RIPOR1: variants seen among roughly 807,000 people sequenced by gnomAD.
The protein encoded by RIPOR1 is RHO family interacting cell polarization regulator 1.
In RIPOR1, 58 loss-of-function variants were observed where a neutral mutation model predicts 116.5. The observed-to-expected ratio is 0.50, with a 90% confidence interval of 0.40 to 0.62. The LOEUF is 0.62. Among genes scored for constraint, RIPOR1 ranks in the 20% least tolerant of loss-of-function variants. The pLI, the probability that RIPOR1 is intolerant of heterozygous loss-of-function variation, is 0.00. For missense variants in RIPOR1, 1,372 were observed against 1,586.2 expected (o/e 0.86, Z 2.29); for synonymous variants, 605 against 650.0 (o/e 0.93, Z 1.05).
Position 67,538,565 on chromosome 16 carries a change from A to C in RIPOR1, c.104+15A>C. 6.2e-7 allele frequency: 1 copy of C among 1,611,552 alleles called. No individual in the cohort carries two copies. The highest frequency in any genetic ancestry group is 8.5e-7 in the Non-Finnish European group (1 of 1,178,912). On this transcript the variant is annotated intron_variant, in intron 2 of 21. Coordinates refer to ENST00000042381, the MANE Select transcript of RIPOR1 (RefSeq NM_024519.4). ...CGGGGGCCCAGGTACGCGGCCGCGC[A>C]GGGTTGGTGGGGTCAAAGGGCGTCA...
chr16:67,527,592 A>G (rs898117845), upstream of RIPOR1, among the ~76,000 whole-genome samples: 1 of 151,380 alleles, frequency 6.6e-6, no homozygotes, highest in Non-Finnish European at 1.5e-5. Flanking sequence ...AACCGACCAA[A>G]CAGGCTGGGC....
Position 67,541,585 on chromosome 16 carries a change from G to C in RIPOR1, c.950+7G>C. ...GCCTGGAAGTCACATGGAGGTTGGT[G>C]GGGCTGAGAGGCTTGGAGGAGGGCC... On this transcript the variant is annotated splice_region_variant and intron_variant, in intron 11 of 21. Coordinates refer to ENST00000042381, the MANE Select transcript of RIPOR1 (RefSeq NM_024519.4). The surrounding 1 kb of genome is among the most constrained non-coding windows in gnomAD (Gnocchi z 4.6). 1.9e-6 allele frequency: 3 copies of C among 1,614,004 alleles called. No individual in the cohort carries two copies. Among genetic ancestry groups the C allele is most frequent in the Non-Finnish European group, 8.5e-7 (1 of 1,179,936 alleles).
intron 1 of RIPOR1, among the ~76,000 whole-genome samples, chr16:67,534,579 C>T (rs1433308520): frequency 6.6e-6 from 1 of 152,174 alleles, no homozygotes; most frequent in Non-Finnish European, 1.5e-5. Context: ...ACATTACCAG[C>T]ACCCTGGAAG....
chr16:67,522,108 A>AC (rs1426545431), intron 1 of RIPOR1, among the ~76,000 whole-genome samples: 1 of 150,896 alleles, frequency 6.6e-6, no homozygotes, highest in Non-Finnish European at 1.5e-5. Context: ...GCTCACTGCA[A>AC]CCTCTGCCTC....
rs1175002443 is a variant in RIPOR1, at chr16:67,544,363, A to G, written c.2665A>G (p.Ser889Gly). 1.2e-6 allele frequency: 2 copies of G among 1,613,246 alleles called. No individual in the cohort carries two copies. Among genetic ancestry groups the G allele is most frequent in the Non-Finnish European group, 1.7e-6 (2 of 1,179,796 alleles). ...AGACTCACCCAGTGCCCGCCCCCTC[A>G]GCACGGGGTGTCCAGCTCTGGATGC... Reference protein sequence around the residue: ...SIDSPSARPLSTGCPALDAAL... With the variant: ...SIDSPSARPLGTGCPALDAAL... Residue 889 changes from serine (S) to glycine (G), a missense_variant, in exon 15 of 22, where the codon AGC (serine) becomes GGC (glycine). Physicochemically the swap from Ser to Gly is moderately conservative, Grantham distance 56. Transcript: ENST00000042381. The surrounding 1 kb of genome is among the most constrained non-coding windows in gnomAD (Gnocchi z 5.1).
At chr16:67,538,927 T>A (rs954804897) in intron 3 of RIPOR1, 63 bp from the exon 4 acceptor site, 2 of 1,609,516 alleles carry the variant, frequency 1.2e-6, no homozygotes, top group Non-Finnish European at 1.7e-6. Flanking sequence ...CCCTGCTGTC[T>A]GCACCCTGGG....
Position 67,529,725 on chromosome 16 carries a change from G to C in RIPOR1, c.-24+811G>C. ...CTGGCCGCCCCAGCACCTACTGTGC[G>C]CAGCCTCGTGTAACAATACTTGTGC... On this transcript the variant is annotated intron_variant, in intron 1 of 21. Coordinates refer to ENST00000042381, the MANE Select transcript of RIPOR1 (RefSeq NM_024519.4). This position sits in a 1 kb window ranked among gnomAD's most constrained non-coding sequence, Gnocchi z 4.1. 1 of 1,528,620 alleles carries C rather than the reference G, an allele frequency of 6.5e-7. No homozygotes were observed. Among genetic ancestry groups the C allele is most frequent in the Non-Finnish European group, 8.7e-7 (1 of 1,143,446 alleles). The allele number at this position is 1,528,620 out of a possible 1,614,324, so 94.7% of individuals were successfully genotyped here.
chr16:67,546,222 C>T lies in RIPOR1; in HGVS notation c.3553C>T (p.Gln1185Ter). The change falls in exon 21 of 22, where the codon CAG becomes TAG. Residue 1185 changes from glutamine (Q) to a stop codon, truncating the protein, a stop_gained. Coordinates refer to ENST00000042381, the MANE Select transcript of RIPOR1 (RefSeq NM_024519.4). LOFTEE classifies it high-confidence loss of function. ...AVREAARQSL[Q>*]QCGEEGQSAH... is the part of the protein sequence containing the mutation. ...GAGGGAAGCTGCCCGGCAAAGCCTACAGCAGTGTGGTGAGGCTGGGGGATG... is the reference window on the plus strand; with the variant it reads ...GAGGGAAGCTGCCCGGCAAAGCCTATAGCAGTGTGGTGAGGCTGGGGGATG... 2 of 1,614,054 alleles carry T rather than the reference C, an allele frequency of 1.2e-6. No homozygotes were observed. Among genetic ancestry groups the T allele is most frequent in the South Asian group, 2.2e-5 (2 of 91,090 alleles).
Position 67,538,699 on chromosome 16 carries a change from G to C in RIPOR1, c.132G>C (p.Gly44=), listed in dbSNP as rs768910968. ...PRSFPVFSPP[G]PPRKPPALSR... is the part of the protein sequence containing the mutation. ...GTTTCCCGGTCTTCAGCCCGCCGGGGCCCCCACGGAAGCCCCCCGCGCTCT... is the reference window on the plus strand; with the variant it reads ...GTTTCCCGGTCTTCAGCCCGCCGGGCCCCCCACGGAAGCCCCCCGCGCTCT... Residue 44 remains glycine (G), a synonymous_variant, in exon 3 of 22, where the codon GGG becomes GGC. Transcript: ENST00000042381. 6.2e-7 allele frequency: 1 copy of C among 1,613,050 alleles called. No homozygotes were observed. The highest frequency in any genetic ancestry group is 1.7e-5 in the Admixed American group (1 of 59,980).
At position 67,529,807 on chromosome 16, in the gene RIPOR1, G is replaced by T; in HGVS notation, c.-24+893G>T. On this transcript the variant is annotated intron_variant, in intron 1 of 21. Coordinates refer to ENST00000042381, the MANE Select transcript of RIPOR1 (RefSeq NM_024519.4). This position sits in a 1 kb window ranked among gnomAD's most constrained non-coding sequence, Gnocchi z 4.1. ...GCCTGCCGCATTCGGCCAACGCACAGCATCTGAGGAGGGTTATGACCATCT... is the reference window on the plus strand; with the variant it reads ...GCCTGCCGCATTCGGCCAACGCACATCATCTGAGGAGGGTTATGACCATCT... 6.5e-7 allele frequency: 1 copy of T among 1,535,994 alleles called. No individual in the cohort carries two copies. Among genetic ancestry groups the T allele is most frequent in the Non-Finnish European group, 8.7e-7 (1 of 1,146,894 alleles).
In RIPOR1 at chr16:67,529,714, A is replaced by C. The variant is rs910993905; in HGVS notation, c.-24+800A>C. On this transcript the variant is annotated intron_variant, in intron 1 of 21. Transcript: ENST00000042381. This position sits in a 1 kb window ranked among gnomAD's most constrained non-coding sequence, Gnocchi z 4.1. ...GTGTGTCCAGGCTGGCCGCCCCAGC[A>C]CCTACTGTGCGCAGCCTCGTGTAAC... 1.3e-6 allele frequency: 2 copies of C among 1,520,228 alleles called. No homozygotes were observed. Among genetic ancestry groups the C allele is most frequent in the Non-Finnish European group, 1.8e-6 (2 of 1,138,064 alleles). 94.2% of individuals were successfully genotyped at this position (1,520,228 alleles called of 1,614,324 possible).
chr16:67,537,210 G>C lies in RIPOR1; in HGVS notation c.-23-1214G>C, dbSNP rs1250172619. ...TTACAGGCGTGAGCCACTGTGCCCG[G>C]CCTCAATAGCGACTCTTTAAGCCCC... On this transcript the variant is annotated intron_variant, in intron 1 of 21. Coordinates refer to ENST00000042381, the MANE Select transcript of RIPOR1 (RefSeq NM_024519.4). This position sits in a 1 kb window ranked among gnomAD's most constrained non-coding sequence, Gnocchi z 4.6. 6.6e-6 allele frequency among the ~76,000 whole-genome samples: 1 copy of C among 152,182 alleles called. No individual in the cohort carries two copies. The highest frequency in any genetic ancestry group is 1.5e-5 in the Non-Finnish European group (1 of 68,026).
chr16:67,544,130 G>A lies in RIPOR1; in HGVS notation c.2601-169G>A, dbSNP rs1294157717. ...CAGAGATCCCTACTACCACCTGCTG[G>A]TCCCAGCCCCTTCCTCCTTCTGGAA... On this transcript the variant is annotated intron_variant, in intron 14 of 21. Coordinates refer to ENST00000042381, the MANE Select transcript of RIPOR1 (RefSeq NM_024519.4). This position sits in a 1 kb window ranked among gnomAD's most constrained non-coding sequence, Gnocchi z 5.1. Among the ~76,000 whole-genome samples the A allele has an allele frequency of 1.2e-4, 19 of 152,114 alleles. No homozygotes were observed. Among genetic ancestry groups the A allele is most frequent in the Admixed American group, 1.2e-3 (19 of 15,278 alleles).
In RIPOR1 at chr16:67,545,022, G is replaced by C; in HGVS notation, c.2936G>C (p.Ser979Thr). ...TFWDQCTERL[S>T]CFLCPVERVL... Reference sequence around the variant, plus strand: ...TGGGACCAGTGCACAGAGAGACTCAGCTGCTTCCTCTGCCCGGTGGAGCGG... The same window carrying C: ...TGGGACCAGTGCACAGAGAGACTCACCTGCTTCCTCTGCCCGGTGGAGCGG... The change falls in exon 17 of 22, where the codon AGC becomes ACC. Residue 979 changes from serine to threonine, a missense_variant. Ser to Thr is a moderately conservative substitution (Grantham distance 58). Coordinates refer to ENST00000042381, the MANE Select transcript of RIPOR1 (RefSeq NM_024519.4). The surrounding 1 kb of genome is among the most constrained non-coding windows in gnomAD (Gnocchi z 4.8). The C allele has an allele frequency of 3.7e-6, 6 of 1,613,674 alleles. No individual in the cohort carries two copies. The highest frequency in any genetic ancestry group is 5.1e-6 in the Non-Finnish European group (6 of 1,180,034).
rs758588544 is a variant in RIPOR1, at chr16:67,529,832, T to C, written c.-24+918T>C. 4 of 1,535,786 alleles carry C rather than the reference T, an allele frequency of 2.6e-6. No homozygotes were observed. Among genetic ancestry groups the C allele is most frequent in the Middle Eastern group, 1.7e-4 (1 of 5,986 alleles). On this transcript the variant is annotated intron_variant, in intron 1 of 21. Transcript: ENST00000042381. This position sits in a 1 kb window ranked among gnomAD's most constrained non-coding sequence, Gnocchi z 4.1. The stretch of plus-strand genomic sequence containing the variant: ...GCATCTGAGGAGGGTTATGACCATC[T>C]GGCAGATGCAGAAACAGGCCCAGAG...
chr16:67,543,181 G>A lies in RIPOR1; in HGVS notation c.2395G>A (p.Ala799Thr). ...GGAGGAGGCACTGGGGGCCCTAATG[G>A]CTGCCCTGGATGACTACCGTGGCCA... Reference protein sequence around the residue: ...SLEEALGALMAALDDYRGQFP... With the variant: ...SLEEALGALMTALDDYRGQFP... Residue 799 changes from alanine to threonine, a missense_variant, in exon 13 of 22, where the codon GCT becomes ACT. Ala to Thr is a moderately conservative substitution (Grantham distance 58, BLOSUM62 0). This residue lies in a region of RIPOR1 where 1,005 missense variants were observed against 1,144.7 expected (regional missense o/e 0.88). Coordinates refer to ENST00000042381, the MANE Select transcript of RIPOR1 (RefSeq NM_024519.4). The surrounding 1 kb of genome is among the most constrained non-coding windows in gnomAD (Gnocchi z 4.7). 6.5e-7 allele frequency: 1 copy of A among 1,544,378 alleles called. No individual in the cohort carries two copies. The highest frequency in any genetic ancestry group is 8.7e-7 in the Non-Finnish European group (1 of 1,145,356).
chr16:67,541,277 C>A lies in RIPOR1; in HGVS notation c.802-153C>A. ...TTGAGACAGAGTCTTGCCATGTTGC[C>A]CAAGCTGGTCTTGAACTCCTGGCCT... is the stretch of plus-strand genomic sequence containing the variant. On this transcript the variant is annotated intron_variant, in intron 10 of 21. Coordinates refer to ENST00000042381, the MANE Select transcript of RIPOR1 (RefSeq NM_024519.4). This position sits in a 1 kb window ranked among gnomAD's most constrained non-coding sequence, Gnocchi z 4.6. The A allele has an allele frequency of 4.1e-6, 3 of 735,022 alleles. No individual in the cohort carries two copies. Among genetic ancestry groups the A allele is most frequent in the Non-Finnish European group, 6.5e-6 (3 of 461,554 alleles). 45.5% of individuals were successfully genotyped at this position (735,022 alleles called of 1,614,324 possible). A position where few individuals can be genotyped will look rare whatever the true frequency, so the allele number is the denominator to read the frequency against.
chr16:67,538,547 C>T lies in RIPOR1; in HGVS notation c.101C>T (p.Pro34Leu). The change falls in exon 2 of 22, where the codon CCC (proline) becomes CTC (leucine). Residue 34 changes from proline to leucine, a missense_variant. This residue lies in a region of RIPOR1 where 165 missense variants were observed against 145.5 expected (regional missense o/e 1.13). Transcript: ENST00000042381. Reference sequence around the variant, plus strand: ...GTCCTCGGCAGCCACGAGCGGGGGCCCAGGTACGCGGCCGCGCAGGGTTGG... The same window carrying T: ...GTCCTCGGCAGCCACGAGCGGGGGCTCAGGTACGCGGCCGCGCAGGGTTGG... ...AGVLGSHERGPRSFPVFSPPG... is the reference protein window; with the variant it reads ...AGVLGSHERGLRSFPVFSPPG... 6.2e-7 allele frequency: 1 copy of T among 1,611,932 alleles called. No homozygotes were observed. The highest frequency in any genetic ancestry group is 8.5e-7 in the Non-Finnish European group (1 of 1,179,136).
chr16:67,532,912 G>A (rs1372525785), intron 1 of RIPOR1, among the ~76,000 whole-genome samples: 1 of 152,234 alleles, frequency 6.6e-6, no homozygotes, highest in Non-Finnish European at 1.5e-5. Context: ...AGTGGAGACA[G>A]GAGGTCCCTC....
Sources: gnomAD v4.1 joint callset for allele counts (sites outside exome capture counted in the v4.1 genomes callset) on GRCh38, gnomAD v4.1.1 for gene constraint, gnomAD v4.1.1 regional missense constraint, Gnocchi (gnomAD v3.1) non-coding constraint, MANE v1.5 for transcripts, NCBI Gene and HGNC (gene_info 2026-07-23, HGNC 2026-07-21) for gene names.